Variants in TRPM3 observed in about 807,000 individuals in gnomAD.
TRPM3 encodes the protein long transient receptor potential channel 3.
TRPM3 carries 77 observed loss-of-function variants against 181.2 expected under a neutral mutation model. The observed-to-expected ratio is 0.42, with a 90% confidence interval of 0.35 to 0.51. The LOEUF (loss-of-function observed/expected upper bound fraction) is 0.51. Among genes scored for constraint, TRPM3 ranks in the 20% least tolerant of loss-of-function variants. The pLI is 0.01. For synonymous variants in TRPM3, 745 were observed against 796.4 expected, an observed-to-expected ratio of 0.94 and a Z score of 1.09; for missense variants, 1,759 against 2,196.7, an observed-to-expected ratio of 0.80 and a Z score of 3.98.
chr9:71,422,258 A>G (rs2093789384), intron 1 of TRPM3, among the ~76,000 whole-genome samples: 1 of 152,076 alleles, frequency 6.6e-6, no homozygotes, highest in Admixed American at 6.6e-5. Flanking sequence ...TTCTGACATC[A>G]TACTGAAAGA....
intron 1 of TRPM3, among the ~76,000 whole-genome samples, chr9:71,032,819 G>A (rs1157268471): frequency 6.6e-6 from 1 of 152,196 alleles, no homozygotes; most frequent in African/African-American, 2.4e-5. Flanking sequence ...GAATCTGCAA[G>A]GAAGTAACCT....
intron 1 of TRPM3, among the ~76,000 whole-genome samples, chr9:70,908,734 A>G (rs2096500763): frequency 6.6e-6 from 1 of 152,240 alleles, no homozygotes; most frequent in Admixed American, 6.5e-5. Flanking sequence ...CAGTTATTAG[A>G]AAGCTACAGT....
intron 1 of TRPM3, among the ~76,000 whole-genome samples, chr9:71,108,365 T>C (rs2070224680): frequency 6.6e-6 from 1 of 152,160 alleles, no homozygotes; most frequent in Non-Finnish European, 1.5e-5. Context: ...CTAATTGAGT[T>C]AGTGAAGCAC....
In TRPM3 at chr9:70,861,304, A is replaced by G. The variant is rs183235005; in HGVS notation, c.462+1604T>C. On this transcript the variant is annotated intron_variant, in intron 3 of 25. Coordinates refer to ENST00000677713, the MANE Select transcript of TRPM3 (RefSeq NM_001366145.2). ...AAAAGACAGATGAGTGCACATTTGGACAATGGCAGCATCATGGTCATCAGA... is the reference window on the plus strand; with the variant it reads ...AAAAGACAGATGAGTGCACATTTGGGCAATGGCAGCATCATGGTCATCAGA... Among the ~76,000 whole-genome samples the G allele has an allele frequency of 3.3e-3, 495 of 152,274 alleles. 6 individuals carry two copies. Among genetic ancestry groups the G allele is most frequent in the African/African-American group, 0.011 (477 of 41,566 alleles).
At chr9:70,555,786 A>C (rs1455738197) in intron 22 of TRPM3, among the ~76,000 whole-genome samples, 1 of 152,110 alleles carries the variant, frequency 6.6e-6, no homozygotes, top group East Asian at 1.9e-4. Flanking sequence ...CCAGCCTAAC[A>C]GTCTAGTAGG....
At chr9:70,596,700 G>C (rs2059096626) in intron 21 of TRPM3, among the ~76,000 whole-genome samples, 1 of 114,458 alleles carries the variant, frequency 8.7e-6, no homozygotes, top group African/African-American at 3.5e-5. Context: ...GGGTGACAGA[G>C]TAAAACACTG....
chr9:70,800,960 A>G lies in TRPM3; in HGVS notation c.974-16681T>C, dbSNP rs1316641189. Among the ~76,000 whole-genome samples the G allele has an allele frequency of 3.3e-5, 5 of 152,176 alleles. No individual in the cohort carries two copies. The East Asian group carries it at 9.6e-4, about 29-fold the overall frequency. ...AATTGCAAAATTCACACAACTAGTA[A>G]GTGTCAGAAATGGGTTTCAAGCAAA... On this transcript the variant is annotated intron_variant, in intron 6 of 25. Coordinates refer to ENST00000677713, the MANE Select transcript of TRPM3 (RefSeq NM_001366145.2).
At chr9:70,997,231 C>T (rs1224752348) in intron 1 of TRPM3, among the ~76,000 whole-genome samples, 1 of 152,094 alleles carries the variant, frequency 6.6e-6, no homozygotes, top group Non-Finnish European at 1.5e-5. Flanking sequence ...TGGAGTCTTG[C>T]TCTGTCATCC....
At chr9:70,887,448 C>A (rs1193422120) in intron 1 of TRPM3, among the ~76,000 whole-genome samples, 2 of 152,054 alleles carry the variant, frequency 1.3e-5, no homozygotes, top group East Asian at 1.9e-4. Context: ...AAAATAATTT[C>A]TCCATTTTAA....
At chr9:71,444,756 A>T (rs190471306) in intron 1 of TRPM3, among the ~76,000 whole-genome samples, 14 of 152,362 alleles carry the variant, frequency 9.2e-5, no homozygotes, top group Admixed American at 2.0e-4. Flanking sequence ...CTCTTTGTTA[A>T]CAACTATAGA....
In TRPM3 at chr9:70,875,670, A is replaced by G. The variant is rs564640578; in HGVS notation, c.178-11159T>C. 2.6e-5 allele frequency among the ~76,000 whole-genome samples: 4 copies of G among 152,076 alleles called. No homozygotes were observed. In the South Asian group the frequency reaches 8.3e-4, roughly 32 times the overall value. On this transcript the variant is annotated intron_variant, in intron 1 of 25. Transcript: ENST00000677713. ...TTGGTATTCTTTTGCCTCATCCCCT[A>G]CTAAATGATAAATCAAATCTTGAAG...
intron 1 of TRPM3, among the ~76,000 whole-genome samples, chr9:71,418,067 T>A (rs1017968362): frequency 6.6e-6 from 1 of 151,844 alleles, no homozygotes; most frequent in African/African-American, 2.4e-5. Context: ...GATGAGTGAA[T>A]TGTTGCTTTT....
At chr9:71,198,296 C>G (rs1057158668) in intron 1 of TRPM3, among the ~76,000 whole-genome samples, 8 of 151,862 alleles carry the variant, frequency 5.3e-5, no homozygotes, top group African/African-American at 1.9e-4. Flanking sequence ...AGTTTGAAGT[C>G]AGGTAGTGTG....
intron 9 of TRPM3, among the ~76,000 whole-genome samples, chr9:70,647,795 C>CT (rs2059093082): frequency 6.6e-6 from 1 of 152,186 alleles, no homozygotes; most frequent in Non-Finnish European, 1.5e-5. Flanking sequence ...TAGAAAATCC[C>CT]ATGGTCTATG....
intron 1 of TRPM3, among the ~76,000 whole-genome samples, chr9:70,947,741 G>A (rs1255218332): frequency 1.3e-5 from 2 of 152,176 alleles, no homozygotes; most frequent in Admixed American, 6.5e-5. Flanking sequence ...AGAGCCAGGT[G>A]TGTGTGGGTG....
chr9:71,166,154 GA>G (rs528233415), intron 1 of TRPM3, among the ~76,000 whole-genome samples: 7 of 152,230 alleles, frequency 4.6e-5, no homozygotes, highest in Admixed American at 2.0e-4. Context: ...AGAATGAACT[GA>G]AAACATGGTC....
At chr9:71,083,143 G>A (rs1419558500) in intron 1 of TRPM3, among the ~76,000 whole-genome samples, 2 of 151,944 alleles carry the variant, frequency 1.3e-5, no homozygotes, top group Non-Finnish European at 2.9e-5. Context: ...GAATCTCTTG[G>A]AACATACAGA....
chr9:70,963,046 A>C (rs1004274509), intron 1 of TRPM3, among the ~76,000 whole-genome samples: 1 of 152,190 alleles, frequency 6.6e-6, no homozygotes, highest in Non-Finnish European at 1.5e-5. Flanking sequence ...TAGGAAGAAA[A>C]GGCACAGAGA....
At chr9:71,255,532 A>G (rs995637983) in intron 1 of TRPM3, among the ~76,000 whole-genome samples, 2 of 152,192 alleles carry the variant, frequency 1.3e-5, no homozygotes, top group African/African-American at 4.8e-5. Context: ...ATCACTTAGT[A>G]TAAAAGACAT....
Sources: gnomAD v4.1 joint callset for allele counts (sites outside exome capture counted in the v4.1 genomes callset) on GRCh38, gnomAD v4.1.1 for gene constraint, MANE v1.5 for transcripts, NCBI Gene and HGNC (gene_info 2026-07-23, HGNC 2026-07-21) for gene names.